Variants in NDUFAF7 observed in about 807,000 individuals in gnomAD.
The protein encoded by NDUFAF7 is NADH:ubiquinone oxidoreductase complex assembly factor 7.
NDUFAF7 carries 48 observed loss-of-function variants against 47.2 expected under a neutral mutation model. The ratio of observed to expected loss-of-function variants is 1.02; its 90% CI spans 0.81 to 1.29. The LOEUF is 1.29. NDUFAF7 is among the 50% of genes most tolerant of loss of function. NDUFAF7 has a pLI of 0.00. For synonymous variants in NDUFAF7, 217 were observed against 190.0 expected, an observed-to-expected ratio of 1.14 and a Z score of -1.17; for missense variants, 635 against 537.6, an observed-to-expected ratio of 1.18 and a Z score of -1.79.
At chr2:37,252,863 A>ATATATG (rs1553362996), downstream of NDUFAF7, 2 of 149,308 alleles carry the variant, frequency 1.3e-5, no homozygotes, top group Non-Finnish European at 3.0e-5. Context: ...ATATATATAT[A>ATATATG]AAGAGAAATG....
At position 37,231,756 on chromosome 2, in the gene NDUFAF7, C is replaced by T. The variant is rs1665152075; in HGVS notation, c.51C>T (p.Arg17=). 11 of 1,614,068 alleles carry T rather than the reference C, an allele frequency of 6.8e-6. No homozygotes were observed. The highest frequency in any genetic ancestry group is 1.7e-5 in the Admixed American group (1 of 60,010). ...TGGGGCCGTTGTGTGCCGTGGCGCGCGCAGGTAAGCGTCAGTCCCCTCGAA... is the reference window on the plus strand; with the variant it reads ...TGGGGCCGTTGTGTGCCGTGGCGCGTGCAGGTAAGCGTCAGTCCCCTCGAA... ...SGLGPLCAVA[R]AAIPFIWRGK... is the part of the protein sequence containing the mutation. The change falls in exon 1 of 10, where the codon CGC becomes CGT. Residue 17 remains arginine, a synonymous_variant. Transcript: ENST00000002125.
At chr2:37,262,616 T>A in the NDUFAF7 span, among the ~76,000 whole-genome samples, 2 of 152,200 alleles carry the variant, frequency 1.3e-5, no homozygotes, top group African/African-American at 4.8e-5. Context: ...ATATTATAAC[T>A]TTTATCAACA....
chr2:37,259,713 C>G, the NDUFAF7 span: 2 of 1,490,778 alleles, frequency 1.3e-6, no homozygotes, highest in Non-Finnish European at 1.9e-6. Flanking sequence ...TTTTCAATGT[C>G]TGGAAAATCA....
intron 7 of NDUFAF7, among the ~76,000 whole-genome samples, chr2:37,245,802 G>A (rs571675603): frequency 6.6e-6 from 1 of 152,302 alleles, no homozygotes; most frequent in South Asian, 2.1e-4. Context: ...GGGATTGGGA[G>A]GGCATTTGCC....
At chr2:37,250,172 T>C (rs1284047430), downstream of NDUFAF7, among the ~76,000 whole-genome samples, 1 of 152,098 alleles carries the variant, frequency 6.6e-6, no homozygotes, top group East Asian at 1.9e-4. Context: ...ACGGAGGCCT[T>C]GCTTTTCAGA....
chr2:37,244,099 C>A, intron 7 of NDUFAF7, 126 bp downstream of exon 7: 1 of 799,770 alleles, frequency 1.3e-6, no homozygotes. Flanking sequence ...ATACGAGGTG[C>A]TTTTTATTGA....
chr2:37,234,291 C>T (rs1665515879), intron 2 of NDUFAF7, among the ~76,000 whole-genome samples: 1 of 152,100 alleles, frequency 6.6e-6, no homozygotes, highest in Admixed American at 6.6e-5. Context: ...CGGGTTTTGC[C>T]TTGTTGGCCA....
At chr2:37,268,392 A>G in the NDUFAF7 span, 2 of 469,878 alleles carry the variant, frequency 4.3e-6, no homozygotes, top group Admixed American at 2.4e-5. Context: ...CAAACCATAG[A>G]TATTATATAT....
chr2:37,266,168 C>A, the NDUFAF7 span, among the ~76,000 whole-genome samples: 2 of 152,110 alleles, frequency 1.3e-5, no homozygotes, highest in African/African-American at 2.4e-5. Flanking sequence ...ATTATCATGC[C>A]TCTGAAAAAG....
the NDUFAF7 span, among the ~76,000 whole-genome samples, chr2:37,263,957 C>T: frequency 7.8e-4 from 119 of 152,284 alleles, no homozygotes; most frequent in African/African-American, 2.8e-3. Context: ...AGAAATTTCC[C>T]TCTAGGTTTT....
rs1412527108 is a variant in NDUFAF7 at position 37,247,991 on chromosome 2, G to A, written c.1111-144G>A. 4.1e-6 allele frequency: 3 copies of A among 736,018 alleles called. No homozygotes were observed. The East Asian group carries it at 8.1e-5, about 20-fold the overall frequency. The allele number at this position is 736,018 out of a possible 1,614,324, so 45.6% of individuals were successfully genotyped here. A position where few individuals can be genotyped will look rare whatever the true frequency, so the allele number is the denominator to read the frequency against. On this transcript the variant is annotated intron_variant, in intron 9 of 9. Coordinates refer to ENST00000002125, the MANE Select transcript of NDUFAF7 (RefSeq NM_144736.5). ...TCACACCAATCTACATTTTTAATAA[G>A]TACTCTATGATTCTCAGGCAGGTAA... is the stretch of plus-strand genomic sequence containing the variant.
the NDUFAF7 span, chr2:37,260,525 T>C: frequency 2.5e-6 from 2 of 800,436 alleles, no homozygotes; most frequent in African/African-American, 3.5e-5. Context: ...AAAATTACAA[T>C]CAATGAAAAG....
At chr2:37,261,229 G>GT in the NDUFAF7 span, among the ~76,000 whole-genome samples, 2 of 152,216 alleles carry the variant, frequency 1.3e-5, no homozygotes, top group African/African-American at 4.8e-5. Flanking sequence ...GCTCACGCCT[G>GT]TAATCCCAGC....
At chr2:37,264,679 T>G in the NDUFAF7 span, among the ~76,000 whole-genome samples, 2 of 152,116 alleles carry the variant, frequency 1.3e-5, no homozygotes, top group Admixed American at 1.3e-4. Context: ...CAAAGCCTTT[T>G]GAGACAGAAG....
intron 4 of NDUFAF7, among the ~76,000 whole-genome samples, chr2:37,240,834 AT>A: frequency 6.6e-6 from 1 of 152,166 alleles, no homozygotes; most frequent in East Asian, 1.9e-4. Context: ...TTCTGAAGGA[AT>A]TTCTCCTGGG....
chr2:37,237,097 A>G (rs577144781), intron 3 of NDUFAF7, among the ~76,000 whole-genome samples: 145 of 152,064 alleles, frequency 9.5e-4, no homozygotes, highest in Non-Finnish European at 9.9e-4. Context: ...CAGCCTCCCG[A>G]GTAGCTGGGA....
chr2:37,269,466 G>A, the NDUFAF7 span: 6 of 653,450 alleles, frequency 9.2e-6, no homozygotes, highest in African/African-American at 5.5e-5. Context: ...AAATTACAGT[G>A]AGAAGGATTT....
At chr2:37,269,495 C>G in the NDUFAF7 span, 1 of 781,988 alleles carries the variant, frequency 1.3e-6, no homozygotes, top group Admixed American at 2.1e-5. Context: ...GATAACAAGT[C>G]AGCCTTTAAA....
At chr2:37,246,860 T>C (rs1163348017) in intron 8 of NDUFAF7, among the ~76,000 whole-genome samples, 1 of 152,184 alleles carries the variant, frequency 6.6e-6, no homozygotes, top group East Asian at 1.9e-4. Flanking sequence ...GTCAGTAATA[T>C]ATTCTCAGGT....
Sources: allele counts gnomAD v4.1 joint callset (sites outside exome capture counted in the v4.1 genomes callset), GRCh38; gene constraint gnomAD v4.1.1; transcripts MANE v1.5; gene names NCBI Gene and HGNC (gene_info 2026-07-23, HGNC 2026-07-21).